DELE1: variants seen among roughly 807,000 people sequenced by gnomAD.
DELE1 encodes the protein DAP3 binding cell death enhancer 1, also known as death ligand signal enhancer.
DELE1 carries 54 observed loss-of-function variants against 59.3 expected under a neutral mutation model. That is an observed-to-expected ratio of 0.91 (90% confidence interval 0.73 to 1.14). The LOEUF (loss-of-function observed/expected upper bound fraction) is 1.14, where lower values mean the gene tolerates loss of function less well. Ranked by LOEUF, DELE1 falls within the 50% of genes most tolerant of loss-of-function variation. DELE1 has a pLI of 0.00. For synonymous variants in DELE1, 264 were observed against 259.1 expected (o/e 1.02, Z -0.18); for missense variants, 636 against 643.9 (o/e 0.99, Z 0.13).
chr5:141,931,537 A>G (rs1056200887), intron 7 of DELE1, among the ~76,000 whole-genome samples: 1 of 152,302 alleles, frequency 6.6e-6, no homozygotes, highest in Non-Finnish European at 1.5e-5. Context: ...GGGGGGAAAA[A>G]GGAGACGAGG....
chr5:141,924,852 T>A (rs1325076053), intron 2 of DELE1, among the ~76,000 whole-genome samples, 157 bp downstream of exon 2: 2 of 151,876 alleles, frequency 1.3e-5, no homozygotes, highest in Non-Finnish European at 2.9e-5. Context: ...GCCTCCCAGG[T>A]TCAAGCAGTT....
chr5:141,929,279 T>C (rs1258208517), intron 4 of DELE1, among the ~76,000 whole-genome samples: 1 of 152,170 alleles, frequency 6.6e-6, no homozygotes, highest in Admixed American at 6.5e-5. Context: ...GACACAGTCT[T>C]GCTCTGTCAC....
chr5:141,925,418 C>T lies in DELE1; in HGVS notation c.155C>T (p.Pro52Leu). The change falls in exon 3 of 12, where the codon CCC (proline) becomes CTC (leucine). Residue 52 changes from proline (P) to leucine (L), a missense_variant. By Grantham distance (98) the Pro-to-Leu change is moderately conservative. Transcript: ENST00000432126. ...VPVPNLDRSG[P>L]HGPGTSGGPR... ...CTTATTTCATCATCTAGGTCAGGTC[C>T]CCATGGCCCAGGCACGAGCGGGGGT... 1 of 1,583,572 alleles carries T rather than the reference C, an allele frequency of 6.3e-7. No individual in the cohort carries two copies. The highest frequency in any genetic ancestry group is 8.6e-7 in the Non-Finnish European group (1 of 1,165,640).
At position 141,940,004 on chromosome 5, in the gene DELE1, C is replaced by T. The variant is rs1454081997; in HGVS notation, c.*1245C>T. On this transcript the variant is annotated 3_prime_UTR_variant, in exon 12 of 12. Transcript: ENST00000432126. ...TTCATACTGCAATTTTATGTGAAAG[C>T]ATTATGACTGTCCTACCCATGGGAG... is the stretch of plus-strand genomic sequence containing the variant. 1.0e-6 allele frequency: 1 copy of T among 985,186 alleles called. No homozygotes were observed. Among genetic ancestry groups the T allele is most frequent in the African/African-American group, 1.7e-5 (1 of 57,248 alleles). 61.0% of individuals were successfully genotyped at this position (985,186 alleles called of 1,614,324 possible).
Position 141,930,038 on chromosome 5 carries a change from G to A in DELE1, c.621G>A (p.Glu207=). The A allele has an allele frequency of 1.2e-6, 2 of 1,614,178 alleles. No homozygotes were observed. Among genetic ancestry groups the A allele is most frequent in the Admixed American group, 1.7e-5 (1 of 60,034 alleles). Residue 207 remains glutamate (E), a synonymous_variant, in exon 6 of 12, where the codon GAG becomes GAA. Coordinates refer to ENST00000432126, the MANE Select transcript of DELE1 (RefSeq NM_014773.5). The stretch of plus-strand genomic sequence containing the variant: ...ATGCCAGTAGTAGCATCGAGTCCGA[G>A]GCAAAACCAGCCCAGCCTCAGCCCA... ...FLHASSSIES[E]AKPAQPQPTG...
chr5:141,940,995 G>C lies in DELE1; in HGVS notation c.*2236G>C. ...AAGAAGTCCTCCAGTAAAGAACTTG[G>C]TTAACCCAATGTTTTCTCTCACTGA... On this transcript the variant is annotated 3_prime_UTR_variant, in exon 12 of 12. Coordinates refer to ENST00000432126, the MANE Select transcript of DELE1 (RefSeq NM_014773.5). 4 of 984,058 alleles carry C rather than the reference G, an allele frequency of 4.1e-6. No individual in the cohort carries two copies. The highest frequency in any genetic ancestry group is 3.6e-6 in the Non-Finnish European group (3 of 828,724). The allele number at this position is 984,058 out of a possible 1,614,324, so 61.0% of individuals were successfully genotyped here.
In DELE1 at chr5:141,924,709, A is replaced by G. The variant is rs1751230400; in HGVS notation, c.146+14A>G. Reference sequence around the variant, plus strand: ...TAACCTCGACAGGTAAGATACTGCCATTTTACCACTCATTTCCTCCCCTAG... The same window carrying G: ...TAACCTCGACAGGTAAGATACTGCCGTTTTACCACTCATTTCCTCCCCTAG... On this transcript the variant is annotated intron_variant, in intron 2 of 11. Coordinates refer to ENST00000432126, the MANE Select transcript of DELE1 (RefSeq NM_014773.5). 4.7e-6 allele frequency: 7 copies of G among 1,498,382 alleles called. No individual in the cohort carries two copies. The East Asian group carries it at 1.6e-4, about 34-fold the overall frequency. 92.8% of individuals were successfully genotyped at this position (1,498,382 alleles called of 1,614,324 possible).
chr5:141,933,923 C>A (rs1261570198), intron 8 of DELE1: 2 of 193,358 alleles, frequency 1.0e-5, no homozygotes, highest in East Asian at 1.3e-4. Flanking sequence ...CTGCCCCCCC[C>A]CACACATATG....
At position 141,926,231 on chromosome 5, in the gene DELE1, C is replaced by A. The variant is rs1163799131; in HGVS notation, c.264+704C>A. 4.6e-5 allele frequency among the ~76,000 whole-genome samples: 7 copies of A among 152,100 alleles called. No individual in the cohort carries two copies. In the East Asian group the frequency reaches 1.3e-3, roughly 29 times the overall value. The stretch of plus-strand genomic sequence containing the variant: ...TTATACATGCATTATCTTGTGTAAT[C>A]CTTACAAAAATCTTACAAGGGAAAT... On this transcript the variant is annotated intron_variant, in intron 3 of 11. Coordinates refer to ENST00000432126, the MANE Select transcript of DELE1 (RefSeq NM_014773.5).
At chr5:141,932,156 C>T (rs978461488) in intron 7 of DELE1, among the ~76,000 whole-genome samples, 1 of 151,980 alleles carries the variant, frequency 6.6e-6, no homozygotes, top group Non-Finnish European at 1.5e-5. Flanking sequence ...AGAGCAGACA[C>T]AGGATGGGAG....
In DELE1 at chr5:141,933,159, G is replaced by C. The variant is rs1428131307; in HGVS notation, c.755-100G>C. The C allele has an allele frequency of 4.9e-6, 3 of 617,398 alleles. No individual in the cohort carries two copies. The African/African-American group carries it at 6.0e-5, about 12-fold the overall frequency. The allele number at this position is 617,398 out of a possible 1,614,324, so 38.2% of individuals were successfully genotyped here. On this transcript the variant is annotated intron_variant, in intron 7 of 11. Coordinates refer to ENST00000432126, the MANE Select transcript of DELE1 (RefSeq NM_014773.5). ...ATGTAAAGTGTCTGGCACAAAAAAA[G>C]AAAGGGAGGAGGATCAGATGAGGAG... is the stretch of plus-strand genomic sequence containing the variant.
In DELE1 at chr5:141,939,275, T is replaced by C; in HGVS notation, c.*516T>C. On this transcript the variant is annotated 3_prime_UTR_variant, in exon 12 of 12. Coordinates refer to ENST00000432126, the MANE Select transcript of DELE1 (RefSeq NM_014773.5). ...TTGACCTGTAGTTTGATAGATGTTC[T>C]GTCTAGGATAAAGCTAACTGTAAAA... 2 of 581,458 alleles carry C rather than the reference T, an allele frequency of 3.4e-6. No homozygotes were observed. Among genetic ancestry groups the C allele is most frequent in the Non-Finnish European group, 4.3e-6 (2 of 461,570 alleles). The allele number at this position is 581,458 out of a possible 1,614,324, so 36.0% of individuals were successfully genotyped here. A position where few individuals can be genotyped will look rare whatever the true frequency, so the allele number is the denominator to read the frequency against.
chr5:141,935,627 A>G (rs775929018), intron 10 of DELE1, among the ~76,000 whole-genome samples: 22 of 152,206 alleles, frequency 1.4e-4, no homozygotes, highest in African/African-American at 1.9e-4. Flanking sequence ...AAGGGGACCA[A>G]TGTCACCAAC....
intron 11 of DELE1, among the ~76,000 whole-genome samples, chr5:141,938,153 C>G (rs1175982353): frequency 1.3e-5 from 2 of 152,126 alleles, no homozygotes; most frequent in African/African-American, 4.8e-5. Context: ...CCCACTATCA[C>G]TGAACTTGGA....
In DELE1 at chr5:141,941,388, G is replaced by A. The variant is rs1423996640; in HGVS notation, c.*2629G>A. On this transcript the variant is annotated 3_prime_UTR_variant, in exon 12 of 12. Coordinates refer to ENST00000432126, the MANE Select transcript of DELE1 (RefSeq NM_014773.5). ...GCCTCTCCTGTGGAAAGGGAAGGAT[G>A]GCAGAGTCGTGAGAAAGGTGTTGTC... The A allele has an allele frequency of 2.0e-6, 2 of 985,514 alleles. No individual in the cohort carries two copies. The highest frequency in any genetic ancestry group is 1.2e-4 in the Admixed American group (2 of 16,294). 61.0% of individuals were successfully genotyped at this position (985,514 alleles called of 1,614,324 possible).
At position 141,941,129 on chromosome 5, in the gene DELE1, T is replaced by G; in HGVS notation, c.*2370T>G. 1.0e-6 allele frequency: 1 copy of G among 985,446 alleles called. No homozygotes were observed. The highest frequency in any genetic ancestry group is 1.7e-5 in the African/African-American group (1 of 57,334). The allele number at this position is 985,446 out of a possible 1,614,324, so 61.0% of individuals were successfully genotyped here. A position where few individuals can be genotyped will look rare whatever the true frequency, so the allele number is the denominator to read the frequency against. On this transcript the variant is annotated 3_prime_UTR_variant, in exon 12 of 12. Transcript: ENST00000432126. The stretch of plus-strand genomic sequence containing the variant: ...CCCTGTGGAGCCCCACTCCCCAGCC[T>G]CCTCCCCTCTGTGGTCATTTTGGAT...
chr5:141,931,594 C>T (rs903398262), intron 7 of DELE1, among the ~76,000 whole-genome samples: 3 of 151,998 alleles, frequency 2.0e-5, no homozygotes, highest in African/African-American at 7.3e-5. Context: ...GTGGCATGGT[C>T]TAGATGAGAG....
chr5:141,928,396 C>T (rs1459469293), intron 4 of DELE1, 98 bp downstream of exon 4: 3 of 1,385,882 alleles, frequency 2.2e-6, no homozygotes, highest in East Asian at 4.7e-5. Flanking sequence ...CCATCAGCAG[C>T]TCCTTGCCTT....
Position 141,940,201 on chromosome 5 carries a change from G to A in DELE1, c.*1442G>A. 1.0e-6 allele frequency: 1 copy of A among 985,396 alleles called. No homozygotes were observed. Among genetic ancestry groups the A allele is most frequent in the Non-Finnish European group, 1.2e-6 (1 of 829,934 alleles). 61.0% of individuals were successfully genotyped at this position (985,396 alleles called of 1,614,324 possible). On this transcript the variant is annotated 3_prime_UTR_variant, in exon 12 of 12. Transcript: ENST00000432126. ...GGGAAGAGCCAGGGAGACGGGCAGG[G>A]GGAGCTGAAAGCTGAGGCTCCGTCC...
Sources: gnomAD v4.1 joint callset for allele counts (sites outside exome capture counted in the v4.1 genomes callset) on GRCh38, gnomAD v4.1.1 for gene constraint, MANE v1.5 for transcripts, NCBI Gene and HGNC (gene_info 2026-07-23, HGNC 2026-07-21) for gene names.